Variants in CPN1 observed in about 807,000 individuals in gnomAD.
CPN1 encodes the protein carboxypeptidase N subunit 1, also known as carboxypeptidase N catalytic chain.
Under a neutral mutation model 46.4 loss-of-function variants are expected in CPN1, and 37 were observed. The observed-to-expected ratio is 0.80, with a 90% confidence interval of 0.61 to 1.05. The LOEUF (loss-of-function observed/expected upper bound fraction) is 1.05. Ranked by LOEUF, CPN1 falls within the 50% of genes least tolerant of loss-of-function variation. CPN1 has a pLI of 0.00. For missense variants in CPN1, 563 were observed against 602.6 expected, an observed-to-expected ratio of 0.93 and a Z score of 0.69; for synonymous variants, 224 against 235.4, an observed-to-expected ratio of 0.95 and a Z score of 0.44.
rs34889268 is a variant in CPN1 at position 100,062,766 on chromosome 10, C to CT, written c.871+847dup. Among the ~76,000 whole-genome samples the CT allele has an allele frequency of 2.5e-3, 357 of 140,848 alleles. 1 individual carries two copies. Among genetic ancestry groups the CT allele is most frequent in the African/African-American group, 7.5e-3 (285 of 38,136 alleles). The allele number at this position is 140,848 out of a possible 152,430, so 92.4% of individuals were successfully genotyped here. ...GCACCACCATGCCCACCTAATTTTT[C>CT]TTTTTTTTTTTTTTGGTAGGGATGA... On this transcript the variant is annotated intron_variant, in intron 5 of 8. Coordinates refer to ENST00000370418, the MANE Select transcript of CPN1 (RefSeq NM_001308.3).
Position 100,076,069 on chromosome 10 carries a change from T to G in CPN1, c.262A>C (p.Asn88His), listed in dbSNP as rs2041513340. ...ATCAGCTCGCGGCCCAACGCTTCGT[T>G]GCCGTGCATGTTCCCCACATACTTG... ...EVKYVGNMHG[N>H]EALGRELMLQ... The change falls in exon 2 of 9, where the codon AAC (asparagine) becomes CAC (histidine). Residue 88 changes from asparagine to histidine, a missense_variant. Physicochemically the swap from Asn to His is moderately conservative, Grantham distance 68. Coordinates refer to ENST00000370418, the MANE Select transcript of CPN1 (RefSeq NM_001308.3). 1 of 1,614,118 alleles carries G rather than the reference T, an allele frequency of 6.2e-7. No homozygotes were observed. The highest frequency in any genetic ancestry group is 8.5e-7 in the Non-Finnish European group (1 of 1,180,054).
chr10:100,056,468 G>T (rs1173078186), intron 6 of CPN1, among the ~76,000 whole-genome samples: 6 of 152,108 alleles, frequency 3.9e-5, no homozygotes, highest in Non-Finnish European at 7.4e-5. Context: ...TCACTAGAAG[G>T]TAAGTTCCAT....
At chr10:100,046,464 C>A (rs1432495292) in intron 8 of CPN1, among the ~76,000 whole-genome samples, 1 of 151,916 alleles carries the variant, frequency 6.6e-6, no homozygotes, top group South Asian at 2.1e-4. Context: ...ACAGAGAACC[C>A]GTCTCTACAA....
Position 100,081,566 on chromosome 10 carries a change from C to T in CPN1, c.60G>A (p.Pro20=), listed in dbSNP as rs1564778354. ...CATAGCGGTGGTGGCGAAAGGTCAC[C>T]GGGGCAACCAACTTGAAGAGAAGGA... ...HLLLLFKLVA[P]VTFRHHRYDD... is the part of the protein sequence containing the mutation. Residue 20 remains proline, a synonymous_variant, in exon 1 of 9, where the codon CCG becomes CCA. Transcript: ENST00000370418. 1.2e-6 allele frequency: 2 copies of T among 1,614,088 alleles called. No individual in the cohort carries two copies. Among genetic ancestry groups the T allele is most frequent in the East Asian group, 2.2e-5 (1 of 44,872 alleles).
intron 4 of CPN1, among the ~76,000 whole-genome samples, chr10:100,064,779 G>A (rs1366256263): frequency 6.6e-6 from 1 of 151,914 alleles, no homozygotes; most frequent in Non-Finnish European, 1.5e-5. Context: ...TTTTCATGTA[G>A]TCTATTTTTC....
At chr10:100,054,639 G>T (rs7086019) in intron 6 of CPN1, among the ~76,000 whole-genome samples, 193 bp from the exon 7 acceptor site, 4 of 152,016 alleles carry the variant, frequency 2.6e-5, no homozygotes, top group African/African-American at 9.7e-5. Context: ...TGGTCAGAGC[G>T]TTCCTGTTAA....
intron 6 of CPN1, among the ~76,000 whole-genome samples, chr10:100,055,127 A>G (rs887178842): frequency 1.3e-5 from 2 of 151,346 alleles, no homozygotes; most frequent in African/African-American, 4.9e-5. Context: ...AATCCTAGCT[A>G]CTCAGGAGGC....
intron 8 of CPN1, among the ~76,000 whole-genome samples, chr10:100,048,406 A>G (rs17722299): frequency 0.017 from 2,606 of 152,290 alleles, 53 homozygotes; most frequent in Admixed American, 0.061. Flanking sequence ...ATCACTTAAG[A>G]TTTTGCAAGG....
intron 7 of CPN1, 80 bp from the exon 8 acceptor site, chr10:100,048,956 G>A: frequency 8.4e-7 from 1 of 1,186,946 alleles, no homozygotes; most frequent in East Asian, 2.4e-5. Context: ...CTGACTACAA[G>A]GTTGGCTTTT....
chr10:100,059,696 T>A (rs1168042362), intron 5 of CPN1, among the ~76,000 whole-genome samples: 1 of 151,138 alleles, frequency 6.6e-6, no homozygotes, highest in Non-Finnish European at 1.5e-5. Flanking sequence ...CTCAAAAAAA[T>A]TAAAAATAGA....
At chr10:100,050,382 CAAAT>C (rs1291157797) in intron 7 of CPN1, among the ~76,000 whole-genome samples, 1 of 142,132 alleles carries the variant, frequency 7.0e-6, no homozygotes, top group East Asian at 2.0e-4. Context: ...AACAAACAAA[CAAAT>C]CTGTTGAGAG....
intron 2 of CPN1, among the ~76,000 whole-genome samples, chr10:100,074,416 T>A (rs2041502866): frequency 6.6e-6 from 1 of 151,990 alleles, no homozygotes; most frequent in Non-Finnish European, 1.5e-5. Flanking sequence ...CTGGCAGGGA[T>A]TTTCCCCACT....
At chr10:100,069,515 T>C (rs1478518259) in intron 3 of CPN1, among the ~76,000 whole-genome samples, 199 bp downstream of exon 3, 1 of 151,446 alleles carries the variant, frequency 6.6e-6, no homozygotes, top group Non-Finnish European at 1.5e-5. Flanking sequence ...GTGTGCTCCA[T>C]GGAGGGCTCT....
chr10:100,067,228 T>C (rs2041459144), intron 3 of CPN1, among the ~76,000 whole-genome samples: 2 of 152,268 alleles, frequency 1.3e-5, no homozygotes, highest in South Asian at 2.1e-4. Context: ...GCAATTCTCC[T>C]GCTTCAGCCT....
chr10:100,065,492 G>T, intron 3 of CPN1, 122 bp from the exon 4 acceptor site: 1 of 1,022,966 alleles, frequency 9.8e-7, no homozygotes, highest in Non-Finnish European at 1.5e-6. Context: ...AACATTGAGC[G>T]TCCTGGCGGA....
In CPN1 at chr10:100,054,361, T is replaced by C. The variant is rs779662092; in HGVS notation, c.1097A>G (p.His366Arg). 6 of 1,613,578 alleles carry C rather than the reference T, an allele frequency of 3.7e-6. No homozygotes were observed. The highest frequency in any genetic ancestry group is 1.7e-5 in the Admixed American group (1 of 60,008). ...NAVISVSGINHDVTSGDHGDY... is the reference protein window; with the variant it reads ...NAVISVSGINRDVTSGDHGDY... ...TGACCACCTACCTGAAGTGACATCA[T>C]GGTTAATCCCACTGACAGAAATGAC... Residue 366 changes from histidine (H) to arginine (R), a missense_variant, in exon 7 of 9, where the codon CAT becomes CGT. By Grantham distance (29) the His-to-Arg change is conservative. Coordinates refer to ENST00000370418, the MANE Select transcript of CPN1 (RefSeq NM_001308.3).
At chr10:100,043,217 G>A (rs1460641086) in intron 8 of CPN1, among the ~76,000 whole-genome samples, 2 of 151,684 alleles carry the variant, frequency 1.3e-5, no homozygotes, top group Non-Finnish European at 2.9e-5. Context: ...CCAACATGGT[G>A]AAACCCCGTC....
chr10:100,069,999 T>C (rs2041475499), intron 2 of CPN1, 130 bp from the exon 3 acceptor site: 2 of 1,028,902 alleles, frequency 1.9e-6, no homozygotes, highest in Non-Finnish European at 3.0e-6. Flanking sequence ...CTTGGCTTAC[T>C]GCAACCTCTA....
chr10:100,044,521 C>T (rs988515103), intron 8 of CPN1, among the ~76,000 whole-genome samples: 1 of 151,494 alleles, frequency 6.6e-6, no homozygotes, highest in Non-Finnish European at 1.5e-5. Context: ...ACTACATGTG[C>T]ATGACACCAT....
Sources: allele counts gnomAD v4.1 joint callset (sites outside exome capture counted in the v4.1 genomes callset), GRCh38; gene constraint gnomAD v4.1.1; transcripts MANE v1.5; gene names NCBI Gene and HGNC (gene_info 2026-07-23, HGNC 2026-07-21).